The following SLC24A3 variants were observed in gnomAD, a reference collection of about 807,000 sequenced individuals.
SLC24A3 encodes solute carrier family 24 member 3.
In SLC24A3, 28 loss-of-function variants were observed where a neutral mutation model predicts 75.8. The observed-to-expected ratio is 0.37, with a 90% CI of 0.27 to 0.51. The LOEUF is 0.51. Among genes scored for constraint, SLC24A3 ranks in the 20% least tolerant of loss-of-function variants. The probability of loss-of-function intolerance (pLI) is 0.94; values close to 1 mark genes in which losing one functional copy is unlikely to be tolerated. For synonymous variants in SLC24A3, 372 were observed against 334.1 expected (o/e 1.11, Z -1.24); for missense variants, 663 against 847.8 (o/e 0.78, Z 2.71).
chr20:19,467,816 G>T (rs934875152), intron 2 of SLC24A3, among the ~76,000 whole-genome samples: 1 of 151,786 alleles, frequency 6.6e-6, no homozygotes, highest in African/African-American at 2.4e-5. Context: ...GGGAGGTGGA[G>T]GTTGCAGTGA....
At chr20:19,278,202 G>A (rs1475141359) in intron 1 of SLC24A3, among the ~76,000 whole-genome samples, 1 of 152,204 alleles carries the variant, frequency 6.6e-6, no homozygotes, top group East Asian at 1.9e-4. Context: ...TGTTAGACTA[G>A]GAGTAGGTGG....
chr20:19,566,691 A>G (rs959713056), intron 3 of SLC24A3, among the ~76,000 whole-genome samples: 6 of 152,188 alleles, frequency 3.9e-5, no homozygotes, highest in African/African-American at 1.4e-4. Context: ...TAATTAATGG[A>G]CTCAAACCAG....
chr20:19,576,905 G>A (rs998951941), intron 3 of SLC24A3, among the ~76,000 whole-genome samples: 4 of 152,098 alleles, frequency 2.6e-5, no homozygotes, highest in Non-Finnish European at 5.9e-5. Flanking sequence ...TAATGTGAGT[G>A]TCCTTTCAAA....
intron 2 of SLC24A3, among the ~76,000 whole-genome samples, chr20:19,450,452 T>C (rs1341998670): frequency 2.0e-5 from 3 of 150,064 alleles, no homozygotes; most frequent in Non-Finnish European, 4.4e-5. Context: ...GGGAGGGAGG[T>C]TGGAGGGGTG....
At chr20:19,530,017 A>G (rs949313468) in intron 3 of SLC24A3, among the ~76,000 whole-genome samples, 2 of 152,220 alleles carry the variant, frequency 1.3e-5, no homozygotes, top group Non-Finnish European at 2.9e-5. Context: ...TCAAACTAGA[A>G]AGGGCTCAGT....
intron 2 of SLC24A3, among the ~76,000 whole-genome samples, chr20:19,412,269 G>C (rs1465363892): frequency 1.3e-5 from 2 of 152,090 alleles, no homozygotes; most frequent in Admixed American, 6.5e-5. Flanking sequence ...AGAAAGATGG[G>C]CTTGGTTGGG....
At position 19,226,635 on chromosome 20, in the gene SLC24A3, G is replaced by A. The variant is rs539342713; in HGVS notation, c.142+13651G>A. Among the ~76,000 whole-genome samples the A allele has an allele frequency of 5.3e-5, 8 of 152,254 alleles. No individual in the cohort carries two copies. The East Asian group carries it at 9.6e-4, about 18-fold the overall frequency. On this transcript the variant is annotated intron_variant, in intron 1 of 16. Coordinates refer to ENST00000328041, the MANE Select transcript of SLC24A3 (RefSeq NM_020689.4). Reference sequence around the variant, plus strand: ...TGTTTATTGGGCATTTAGTGTGGCCGAGGACTGTTCTAAGTGCTTTACTTG... The same window carrying A: ...TGTTTATTGGGCATTTAGTGTGGCCAAGGACTGTTCTAAGTGCTTTACTTG...
chr20:19,282,766 G>A (rs1983700250), intron 2 of SLC24A3, among the ~76,000 whole-genome samples: 1 of 152,246 alleles, frequency 6.6e-6, no homozygotes, highest in Non-Finnish European at 1.5e-5. Flanking sequence ...AACCAGCAAG[G>A]ATGGGGGGAT....
rs534465350 is a variant in SLC24A3 at position 19,591,598 on chromosome 20, A to G, written c.612+6054A>G. 3.3e-5 allele frequency among the ~76,000 whole-genome samples: 5 copies of G among 152,042 alleles called. No homozygotes were observed. The East Asian group carries it at 9.7e-4, about 29-fold the overall frequency. ...AAGAGGATGTCTCCTTGGCCACCAC[A>G]TCTCATTCCCCATCCCCCCATAGCA... On this transcript the variant is annotated intron_variant, in intron 6 of 16. Transcript: ENST00000328041.
At chr20:19,702,188 C>T (rs2032882351) in intron 15 of SLC24A3, among the ~76,000 whole-genome samples, 1 of 152,182 alleles carries the variant, frequency 6.6e-6, no homozygotes, top group Non-Finnish European at 1.5e-5. Context: ...CCCCTTCTGA[C>T]ATTTTCCCAA....
chr20:19,376,621 A>G (rs933009069), intron 2 of SLC24A3, among the ~76,000 whole-genome samples: 4 of 149,730 alleles, frequency 2.7e-5, no homozygotes, highest in African/African-American at 7.4e-5. Flanking sequence ...CTGAAAGGTC[A>G]TTGCCACTTT....
At chr20:19,462,274 C>CT (rs112995658) in intron 2 of SLC24A3, among the ~76,000 whole-genome samples, 6,676 of 149,056 alleles carry the variant, frequency 0.045, 450 homozygotes, top group African/African-American at 0.15. Flanking sequence ...GGGTGGCTTT[C>CT]TTTCTTTTTT....
At chr20:19,492,173 G>C (rs1403893149) in intron 2 of SLC24A3, among the ~76,000 whole-genome samples, 1 of 152,138 alleles carries the variant, frequency 6.6e-6, no homozygotes, top group Non-Finnish European at 1.5e-5. Flanking sequence ...TTCTGGCCTT[G>C]ACAAGGCCAT....
At chr20:19,658,127 G>A (rs1234406160) in intron 7 of SLC24A3, among the ~76,000 whole-genome samples, 2 of 152,172 alleles carry the variant, frequency 1.3e-5, no homozygotes, top group African/African-American at 4.8e-5. Flanking sequence ...ATGCTGTTCT[G>A]TGTACACGCC....
intron 3 of SLC24A3, among the ~76,000 whole-genome samples, chr20:19,558,128 C>T (rs1410144878): frequency 1.3e-5 from 2 of 152,118 alleles, no homozygotes; most frequent in Admixed American, 6.5e-5. Context: ...CTTGAAGAAA[C>T]ATCAGGTTCT....
chr20:19,378,299 A>C (rs533760084), intron 2 of SLC24A3, among the ~76,000 whole-genome samples: 16 of 152,282 alleles, frequency 1.1e-4, no homozygotes, highest in Non-Finnish European at 1.8e-4. Context: ...TAAAAAAAAA[A>C]AATAAAGTTA....
At chr20:19,527,246 T>A (rs2030215670) in intron 3 of SLC24A3, among the ~76,000 whole-genome samples, 1 of 152,226 alleles carries the variant, frequency 6.6e-6, no homozygotes, top group African/African-American at 2.4e-5. Flanking sequence ...TAACATGTCC[T>A]TCCCCTCTTC....
intron 2 of SLC24A3, among the ~76,000 whole-genome samples, chr20:19,319,563 T>C (rs550040058): frequency 6.6e-6 from 1 of 152,314 alleles, no homozygotes; most frequent in South Asian, 2.1e-4. Context: ...CAGAAATTAA[T>C]AAAATAGACT....
chr20:19,278,782 A>C (rs1983566316), intron 1 of SLC24A3, among the ~76,000 whole-genome samples: 1 of 152,118 alleles, frequency 6.6e-6, no homozygotes, highest in Non-Finnish European at 1.5e-5. Context: ...TTGGGGAAAA[A>C]AACCTGGGGG....
Sources: allele counts gnomAD v4.1 joint callset (sites outside exome capture counted in the v4.1 genomes callset), GRCh38; gene constraint gnomAD v4.1.1; transcripts MANE v1.5; gene names NCBI Gene and HGNC (gene_info 2026-07-23, HGNC 2026-07-21).